CCDC73: variants seen among roughly 807,000 people sequenced by gnomAD.
CCDC73 encodes the protein coiled-coil domain-containing protein 73.
A neutral mutation model predicts 116.5 loss-of-function variants in CCDC73; 95 were observed. The ratio of observed to expected loss-of-function variants is 0.82; its 90% CI spans 0.69 to 0.97. The LOEUF is 0.97. Ranked by LOEUF, CCDC73 falls within the 50% of genes least tolerant of loss-of-function variation. The probability of loss-of-function intolerance (pLI) is 0.00; values close to 1 mark genes in which losing one functional copy is unlikely to be tolerated. For missense variants in CCDC73, 1,066 were observed against 1,206.8 expected (o/e 0.88, Z 1.73); for synonymous variants, 398 against 401.3 (o/e 0.99, Z 0.10).
At chr11:32,642,238 G>A (rs1855740285) in intron 12 of CCDC73, among the ~76,000 whole-genome samples, 156 bp from the exon 13 acceptor site, 1 of 151,968 alleles carries the variant, frequency 6.6e-6, no homozygotes, top group African/African-American at 2.4e-5. Context: ...TAAATTAATG[G>A]AAAGGTGCTT....
intron 17 of CCDC73, chr11:32,605,204 G>GT (rs1368691680): frequency 6.8e-6 from 1 of 147,684 alleles, no homozygotes; most frequent in Non-Finnish European, 1.5e-5. Flanking sequence ...GTTTAGAATG[G>GT]TAAGTTCACG....
chr11:32,809,613 G>A, the CCDC73 span, among the ~76,000 whole-genome samples: 1 of 152,190 alleles, frequency 6.6e-6, no homozygotes, highest in Non-Finnish European at 1.5e-5. Flanking sequence ...TTCAGTAGTG[G>A]AAGGCAGACC....
At chr11:32,729,899 T>A (rs537534412) in intron 2 of CCDC73, among the ~76,000 whole-genome samples, 39 of 152,316 alleles carry the variant, frequency 2.6e-4, no homozygotes, top group African/African-American at 9.4e-4. Context: ...CATGCACCCA[T>A]CCAAGAAACA....
intron 5 of CCDC73, among the ~76,000 whole-genome samples, 193 bp from the exon 6 acceptor site, chr11:32,699,518 G>A (rs1849790529): frequency 1.3e-5 from 2 of 152,078 alleles, no homozygotes; most frequent in Non-Finnish European, 2.9e-5. Context: ...AAGAAAATGT[G>A]GCACATATAC....
the CCDC73 span, chr11:32,829,870 C>G: frequency 1.0e-6 from 1 of 985,514 alleles, no homozygotes; most frequent in Non-Finnish European, 1.2e-6. Context: ...CAGGTAGGCC[C>G]GGCCCCCGGG....
At chr11:32,615,183 G>A (rs1299084393) in intron 15 of CCDC73, among the ~76,000 whole-genome samples, 1 of 151,848 alleles carries the variant, frequency 6.6e-6, no homozygotes, top group Non-Finnish European at 1.5e-5. Flanking sequence ...TTTCATAATA[G>A]CAAAGTATTT....
chr11:32,632,799 A>G (rs1363546209), intron 14 of CCDC73, among the ~76,000 whole-genome samples: 1 of 152,048 alleles, frequency 6.6e-6, no homozygotes, highest in Non-Finnish European at 1.5e-5. Context: ...ACCGAATGAA[A>G]ATGAAAAAAC....
chr11:32,815,177 A>G, the CCDC73 span, among the ~76,000 whole-genome samples: 1 of 152,244 alleles, frequency 6.6e-6, no homozygotes, highest in Non-Finnish European at 1.5e-5. Context: ...GATGAATTTT[A>G]TAGCATATGA....
At chr11:32,820,385 G>T in the CCDC73 span, among the ~76,000 whole-genome samples, 1 of 152,068 alleles carries the variant, frequency 6.6e-6, no homozygotes, top group Non-Finnish European at 1.5e-5. Context: ...CGAACTCCTG[G>T]TATCAAGCAA....
intron 9 of CCDC73, among the ~76,000 whole-genome samples, chr11:32,664,267 C>A (rs887159789): frequency 6.6e-6 from 1 of 152,190 alleles, no homozygotes; most frequent in Non-Finnish European, 1.5e-5. Context: ...ACCAGCTCCT[C>A]CTTGTACCTC....
At chr11:32,689,748 C>A (rs1163679562) in intron 6 of CCDC73, among the ~76,000 whole-genome samples, 1 of 152,128 alleles carries the variant, frequency 6.6e-6, no homozygotes. Context: ...GTAATCCCAG[C>A]ACTTTGGGAG....
chr11:32,791,705 G>A lies in CCDC73; in HGVS notation c.-16+2908C>T, dbSNP rs578060327. Among the ~76,000 whole-genome samples the A allele has an allele frequency of 1.2e-4, 19 of 152,136 alleles. No individual in the cohort carries two copies. The South Asian group carries it at 3.1e-3, about 25-fold the overall frequency. ...TGGTGGCTAATGCCTGCAATCCCAG[G>A]ACTTTGGGAGGCCGAGGCAGTGCAA... On this transcript the variant is annotated intron_variant, in intron 1 of 17. Coordinates refer to ENST00000335185, the MANE Select transcript of CCDC73 (RefSeq NM_001008391.4).
intron 1 of CCDC73, among the ~76,000 whole-genome samples, chr11:32,783,633 T>C (rs956217344): frequency 5.9e-5 from 9 of 152,138 alleles, no homozygotes; most frequent in Non-Finnish European, 4.4e-5. Context: ...ATTTTTATTT[T>C]ATTTTTATTT....
At chr11:32,603,855 G>C (rs1855309542) in intron 17 of CCDC73, 1 of 152,216 alleles carries the variant, frequency 6.6e-6, no homozygotes. Context: ...CGAGTGGATT[G>C]CATGAGCTCA....
At chr11:32,655,756 CAT>C (rs533332937) in intron 9 of CCDC73, among the ~76,000 whole-genome samples, 110 of 152,218 alleles carry the variant, frequency 7.2e-4, no homozygotes, top group African/African-American at 2.6e-3. Context: ...AGAAGAATGA[CAT>C]AACAAAATTT....
At chr11:32,623,886 G>C (rs1199431236) in intron 14 of CCDC73, among the ~76,000 whole-genome samples, 1 of 152,074 alleles carries the variant, frequency 6.6e-6, no homozygotes. Context: ...GAATATAACT[G>C]ATAAACATAT....
At chr11:32,701,634 G>C (rs892248015) in intron 4 of CCDC73, among the ~76,000 whole-genome samples, 5 of 152,102 alleles carry the variant, frequency 3.3e-5, no homozygotes, top group Admixed American at 3.3e-4. Flanking sequence ...ATTGCAGTGA[G>C]CTGAGATCAC....
At chr11:32,802,491 T>C in the CCDC73 span, among the ~76,000 whole-genome samples, 1 of 152,232 alleles carries the variant, frequency 6.6e-6, no homozygotes, top group Non-Finnish European at 1.5e-5. Context: ...TGTAAAGTGA[T>C]AGATGATCAA....
chr11:32,726,621 G>A (rs1259631103), intron 2 of CCDC73, among the ~76,000 whole-genome samples: 1 of 152,000 alleles, frequency 6.6e-6, no homozygotes. Flanking sequence ...CTGCACCTAA[G>A]AAATGCAGAA....
Sources: allele counts gnomAD v4.1 joint callset (sites outside exome capture counted in the v4.1 genomes callset), GRCh38; gene constraint gnomAD v4.1.1; transcripts MANE v1.5; gene names NCBI Gene and HGNC (gene_info 2026-07-23, HGNC 2026-07-21).